The following KIF16B variants were observed in gnomAD, a reference collection of about 807,000 sequenced individuals.
The protein encoded by KIF16B is kinesin family member 16B, also known as kinesin-like protein KIF16B.
Under a neutral mutation model 156.3 loss-of-function variants are expected in KIF16B, and 98 were observed. The ratio of observed to expected loss-of-function variants is 0.63; its 90% CI spans 0.53 to 0.74. The LOEUF is 0.74. KIF16B is among the 30% of genes least tolerant of loss of function. The pLI is 0.00. For synonymous variants in KIF16B, 564 were observed against 583.7 expected, an observed-to-expected ratio of 0.97 and a Z score of 0.49; for missense variants, 1,421 against 1,606.5, an observed-to-expected ratio of 0.88 and a Z score of 1.97.
At chr20:16,368,066 C>G (rs971844999) in intron 22 of KIF16B, 2 of 1,355,528 alleles carry the variant, frequency 1.5e-6, no homozygotes, top group African/African-American at 2.9e-5. Flanking sequence ...GCAGCAACAG[C>G]AAGCCAGTAA....
At chr20:16,436,055 CTT>C (rs941870606) in intron 12 of KIF16B, among the ~76,000 whole-genome samples, 1 of 152,148 alleles carries the variant, frequency 6.6e-6, no homozygotes, top group Admixed American at 6.5e-5. Context: ...CTATATTCCT[CTT>C]CTTTCTTGTT....
chr20:16,343,051 G>A (rs968806692), intron 23 of KIF16B, among the ~76,000 whole-genome samples: 9 of 152,176 alleles, frequency 5.9e-5, no homozygotes, highest in African/African-American at 2.2e-4. Context: ...CAGAAGATCA[G>A]TACAACAAAT....
intron 25 of KIF16B, among the ~76,000 whole-genome samples, chr20:16,277,261 C>A (rs1378009203): frequency 6.6e-6 from 1 of 152,152 alleles, no homozygotes; most frequent in Admixed American, 6.5e-5. Flanking sequence ...TTGGCTTTAA[C>A]ACAGGGATAA....
At chr20:16,305,411 T>A (rs1261800181) in intron 25 of KIF16B, among the ~76,000 whole-genome samples, 1 of 152,226 alleles carries the variant, frequency 6.6e-6, no homozygotes, top group East Asian at 1.9e-4. Context: ...ACCATACTTT[T>A]TATTGATATG....
chr20:16,283,830 C>G (rs189930105), intron 25 of KIF16B, among the ~76,000 whole-genome samples: 1 of 152,146 alleles, frequency 6.6e-6, no homozygotes, highest in African/African-American at 2.4e-5. Context: ...GGGGAAGAAC[C>G]ACTTCCAAAC....
intron 12 of KIF16B, 49 bp downstream of exon 12, chr20:16,494,242 C>A: frequency 4.5e-6 from 5 of 1,107,476 alleles, no homozygotes; most frequent in Non-Finnish European, 6.6e-6. Context: ...AAAAGTTTTA[C>A]CAGTTTAATC....
chr20:16,282,698 G>C (rs1363418049), intron 25 of KIF16B, among the ~76,000 whole-genome samples: 1 of 152,074 alleles, frequency 6.6e-6, no homozygotes, highest in Non-Finnish European at 1.5e-5. Flanking sequence ...CACAGGCACA[G>C]AGCATTCAGC....
intron 1 of KIF16B, among the ~76,000 whole-genome samples, chr20:16,562,363 C>A (rs573270661): frequency 4.6e-5 from 7 of 152,124 alleles, no homozygotes; most frequent in South Asian, 4.1e-4. Flanking sequence ...ACTTAATACA[C>A]GGGAAAGAGC....
At chr20:16,468,757 A>ACTC (rs368476110) in intron 12 of KIF16B, among the ~76,000 whole-genome samples, 1 of 152,144 alleles carries the variant, frequency 6.6e-6, no homozygotes, top group African/African-American at 2.4e-5. Flanking sequence ...GATTTCCAAC[A>ACTC]CTCCTCTATG....
intron 1 of KIF16B, among the ~76,000 whole-genome samples, chr20:16,558,606 G>A (rs982219735): frequency 2.0e-5 from 3 of 152,334 alleles, no homozygotes; most frequent in African/African-American, 2.4e-5. Context: ...TGAGAGCCAC[G>A]AAAATGTGGG....
intron 17 of KIF16B, among the ~76,000 whole-genome samples, chr20:16,392,438 C>T (rs975945260): frequency 6.6e-6 from 1 of 152,148 alleles, no homozygotes; most frequent in African/African-American, 2.4e-5. Flanking sequence ...ACACTGTGCA[C>T]ATTTGTGGGT....
intron 1 of KIF16B, among the ~76,000 whole-genome samples, chr20:16,535,472 G>A (rs762532290): frequency 6.6e-6 from 1 of 152,116 alleles, no homozygotes; most frequent in East Asian, 1.9e-4. Context: ...CAATCTGGAC[G>A]CCTTGTATTT....
At chr20:16,541,533 G>A (rs2070198568) in intron 1 of KIF16B, among the ~76,000 whole-genome samples, 1 of 152,184 alleles carries the variant, frequency 6.6e-6, no homozygotes, top group South Asian at 2.1e-4. Flanking sequence ...CTTGACCTCT[G>A]TCTGCCACAA....
intron 3 of KIF16B, among the ~76,000 whole-genome samples, chr20:16,515,934 G>A (rs2069130750): frequency 6.6e-6 from 1 of 152,132 alleles, no homozygotes; most frequent in Non-Finnish European, 1.5e-5. Context: ...TGTAAACAAG[G>A]CAAAGTGAAA....
intron 22 of KIF16B, among the ~76,000 whole-genome samples, chr20:16,360,532 G>A (rs1423445943): frequency 6.6e-6 from 1 of 152,094 alleles, no homozygotes; most frequent in Non-Finnish European, 1.5e-5. Flanking sequence ...GTGTGGATGA[G>A]TACAGAAATA....
chr20:16,382,026 C>T (rs1036543479), intron 17 of KIF16B: 1 of 1,046,940 alleles, frequency 9.6e-7, no homozygotes, highest in African/African-American at 1.6e-5. Flanking sequence ...TTAAACAAGA[C>T]TTCTAAATGA....
At chr20:16,548,052 A>G (rs1486375571) in intron 1 of KIF16B, among the ~76,000 whole-genome samples, 1 of 152,202 alleles carries the variant, frequency 6.6e-6, no homozygotes, top group Non-Finnish European at 1.5e-5. Flanking sequence ...TAAATGTTTC[A>G]GAGGCACAAT....
intron 1 of KIF16B, among the ~76,000 whole-genome samples, chr20:16,543,049 A>G (rs527273738): frequency 1.4e-4 from 22 of 152,268 alleles, no homozygotes; most frequent in Admixed American, 1.4e-3. Context: ...CTACTCTCTG[A>G]GGAGCCCAAA....
At chr20:16,343,033 G>C (rs975398640) in intron 23 of KIF16B, among the ~76,000 whole-genome samples, 1 of 152,118 alleles carries the variant, frequency 6.6e-6, no homozygotes, top group African/African-American at 2.4e-5. Flanking sequence ...TGATGCAGAG[G>C]GGAGGAACAG....
Sources: gnomAD v4.1 joint callset for allele counts (sites outside exome capture counted in the v4.1 genomes callset) on GRCh38, gnomAD v4.1.1 for gene constraint, MANE v1.5 for transcripts, NCBI Gene and HGNC (gene_info 2026-07-23, HGNC 2026-07-21) for gene names.